The following KCNT1 variants were observed in gnomAD, a reference collection of about 807,000 sequenced individuals.
KCNT1 encodes the protein potassium channel subfamily T member 1.
A neutral mutation model predicts 147.8 loss-of-function variants in KCNT1; 78 were observed. The observed-to-expected ratio is 0.53, with a 90% CI of 0.44 to 0.64. KCNT1 has a LOEUF of 0.64. Among genes scored for constraint, KCNT1 ranks in the 30% least tolerant of loss-of-function variants. The pLI is 0.00. For missense variants in KCNT1, 1,419 were observed against 1,750.3 expected (o/e 0.81, Z 3.38); for synonymous variants, 867 against 748.8 (o/e 1.16, Z -2.58).
At chr9:135,727,769 G>C (rs923231141) in intron 2 of KCNT1, among the ~76,000 whole-genome samples, 3 of 152,250 alleles carry the variant, frequency 2.0e-5, no homozygotes, top group Non-Finnish European at 2.9e-5. Context: ...GGCCCACAGG[G>C]GAGCAAAGGA....
chr9:135,752,415 AAGG>A lies in KCNT1; in HGVS notation c.434+1377_434+1379del, dbSNP rs988842942. 2.0e-5 allele frequency: 9 copies of A among 456,312 alleles called. No homozygotes were observed. The highest frequency in any genetic ancestry group is 1.6e-4 in the African/African-American group (8 of 50,004). 28.3% of individuals were successfully genotyped at this position (456,312 alleles called of 1,614,324 possible). On this transcript the variant is annotated intron_variant, in intron 4 of 30. Transcript: ENST00000371757. This position sits in a 1 kb window ranked among gnomAD's most constrained non-coding sequence, Gnocchi z 5.1. Reference sequence around the variant, plus strand: ...GCAGAACCCACTAGGAGAGTTTGAGAAGGAGAACTGGGCCCTGACTGACTCTCA... The same window carrying A: ...GCAGAACCCACTAGGAGAGTTTGAGAAGAACTGGGCCCTGACTGACTCTCA...
intron 23 of KCNT1, 115 bp from the exon 24 acceptor site, chr9:135,779,244 C>T: frequency 3.1e-6 from 2 of 651,190 alleles, no homozygotes; most frequent in South Asian, 1.6e-5. Context: ...CTGAGACCCC[C>T]CCACAGCCAT....
intron 2 of KCNT1, among the ~76,000 whole-genome samples, chr9:135,718,531 A>G (rs970526391): frequency 1.3e-5 from 2 of 152,212 alleles, no homozygotes; most frequent in Non-Finnish European, 2.9e-5. Flanking sequence ...GGCCTTGGCC[A>G]TGGGGGTGTC....
rs1057524172 is a variant in KCNT1 at position 135,765,719 on chromosome 9, C to T, written c.1296C>T (p.Leu432=). 1.2e-6 allele frequency: 2 copies of T among 1,610,100 alleles called. No individual in the cohort carries two copies. Among genetic ancestry groups the T allele is most frequent in the Non-Finnish European group, 1.7e-6 (2 of 1,178,210 alleles). The change falls in exon 13 of 31, where the codon CTC becomes CTT. Residue 432 remains leucine (L), a synonymous_variant. Coordinates refer to ENST00000371757, the MANE Select transcript of KCNT1 (RefSeq NM_020822.3). ...TGTGGTCCCAGCGGGTCATCTACCT[C>T]CAGGGCTCTGCACTCAAAGACCAGG... The part of the protein sequence containing the change: ...IPLWSQRVIY[L]QGSALKDQDL...
At chr9:135,737,356 G>A (rs917872954) in intron 2 of KCNT1, among the ~76,000 whole-genome samples, 2 of 152,176 alleles carry the variant, frequency 1.3e-5, no homozygotes, top group Admixed American at 6.5e-5. Flanking sequence ...TGGCTCTTCC[G>A]CAAGCTCAGG....
At chr9:135,788,253 C>G (rs1834223318) in intron 29 of KCNT1, 2 of 1,087,754 alleles carry the variant, frequency 1.8e-6, no homozygotes, top group Admixed American at 3.4e-5. Flanking sequence ...CCCGGCCAGG[C>G]AGGTGGACAG....
At chr9:135,791,547 A>G (rs2131603130) in intron 29 of KCNT1, 1 of 511,590 alleles carries the variant, frequency 2.0e-6, no homozygotes, top group Non-Finnish European at 3.6e-6. Context: ...ACCTAGCACC[A>G]GAGGTGGGTG....
intron 2 of KCNT1, among the ~76,000 whole-genome samples, chr9:135,740,463 G>A (rs1219140726): frequency 6.6e-6 from 1 of 152,252 alleles, no homozygotes; most frequent in Non-Finnish European, 1.5e-5. Context: ...AGAGAGCCCA[G>A]AGGGTCCCTC....
At chr9:135,734,204 C>G (rs908005298) in intron 2 of KCNT1, among the ~76,000 whole-genome samples, 2 of 152,180 alleles carry the variant, frequency 1.3e-5, no homozygotes, top group African/African-American at 4.8e-5. Context: ...TAGGGTCGAG[C>G]CTCTCCAGGC....
chr9:135,708,090 C>T (rs1321386356), intron 1 of KCNT1, among the ~76,000 whole-genome samples: 1 of 152,202 alleles, frequency 6.6e-6, no homozygotes, highest in Non-Finnish European at 1.5e-5. Context: ...TGCAGCTTTG[C>T]ACTTGCTGGA....
At position 135,757,017 on chromosome 9, in the gene KCNT1, C is replaced by CCCAT. The variant is rs1831535606; in HGVS notation, c.600+86_600+87insCATC. ...GCCTCCCCCACCTCCCCCACCCTCT[C>CCCAT]CTATTTCCCCACACTTCCCAGCCTC... On this transcript the variant is annotated intron_variant, in intron 7 of 30. Coordinates refer to ENST00000371757, the MANE Select transcript of KCNT1 (RefSeq NM_020822.3). 3 of 1,141,248 alleles carry CCCAT rather than the reference C, an allele frequency of 2.6e-6. No homozygotes were observed. In the African/African-American group the frequency reaches 4.7e-5, roughly 18 times the overall value. The allele number at this position is 1,141,248 out of a possible 1,614,324, so 70.7% of individuals were successfully genotyped here. A position where few individuals can be genotyped will look rare whatever the true frequency, so the allele number is the denominator to read the frequency against.
chr9:135,788,564 C>T (rs989574230), intron 29 of KCNT1, among the ~76,000 whole-genome samples: 10 of 152,230 alleles, frequency 6.6e-5, no homozygotes, highest in African/African-American at 2.4e-4. Context: ...TCTGAGGACC[C>T]TAAGCTCCTC....
At chr9:135,729,787 G>A (rs1836357393) in intron 2 of KCNT1, among the ~76,000 whole-genome samples, 1 of 152,162 alleles carries the variant, frequency 6.6e-6, no homozygotes, top group African/African-American at 2.4e-5. Flanking sequence ...GCTTGAAAAT[G>A]TTGCACGTGC....
At chr9:135,758,914 C>T (rs1033335206) in intron 10 of KCNT1, among the ~76,000 whole-genome samples, 1 of 135,856 alleles carries the variant, frequency 7.4e-6, no homozygotes, top group African/African-American at 2.5e-5. Context: ...CCAGGCATGC[C>T]CACTGTGCCC....
chr9:135,732,976 G>A (rs1830167512), intron 2 of KCNT1, among the ~76,000 whole-genome samples: 1 of 151,918 alleles, frequency 6.6e-6, no homozygotes, highest in African/African-American at 2.4e-5. Context: ...AGGGCTAAGG[G>A]TGAGGATTCC....
In KCNT1 at chr9:135,786,448, C is replaced by T; in HGVS notation, c.3429C>T (p.Arg1143=). ...AGCAGCGCCTCAGCCTGTACCGGCGCTCTGAGCGCCAGGAGCTCTCCGAGC... is the reference window on the plus strand; with the variant it reads ...AGCAGCGCCTCAGCCTGTACCGGCGTTCTGAGCGCCAGGAGCTCTCCGAGC... ...ISQQRLSLYR[R]SERQELSELV... Residue 1143 remains arginine (R), a synonymous_variant, in exon 29 of 31, where the codon CGC becomes CGT. Transcript: ENST00000371757. 1 of 1,599,224 alleles carries T rather than the reference C, an allele frequency of 6.3e-7. No homozygotes were observed. Among genetic ancestry groups the T allele is most frequent in the Non-Finnish European group, 8.5e-7 (1 of 1,174,104 alleles).
rs749946517 is a variant in KCNT1 at position 135,784,020 on chromosome 9, A to C, written c.2842-4A>C. 2 of 1,605,816 alleles carry C rather than the reference A, an allele frequency of 1.2e-6. No individual in the cohort carries two copies. The highest frequency in any genetic ancestry group is 1.1e-5 in the South Asian group (1 of 91,064). On this transcript the variant is annotated splice_region_variant and splice_polypyrimidine_tract_variant and intron_variant, in intron 24 of 30. Coordinates refer to ENST00000371757, the MANE Select transcript of KCNT1 (RefSeq NM_020822.3). ...GCCCATCTGAGGCCCCTCCTTTCCC[A>C]CAGAGGGAGCGAGAGAATGGCTCCA...
At chr9:135,744,707 G>A (rs914783712) in intron 2 of KCNT1, among the ~76,000 whole-genome samples, 6 of 152,246 alleles carry the variant, frequency 3.9e-5, no homozygotes, top group Non-Finnish European at 5.9e-5. Flanking sequence ...CGCCGCTGAC[G>A]GCTCTCCCAG....
intron 1 of KCNT1, among the ~76,000 whole-genome samples, chr9:135,710,056 C>T (rs533639906): frequency 6.6e-6 from 1 of 152,302 alleles, no homozygotes; most frequent in African/African-American, 2.4e-5. Flanking sequence ...TATTCTGTTG[C>T]AAATATGTTC....
Sources: allele counts gnomAD v4.1 joint callset (sites outside exome capture counted in the v4.1 genomes callset), GRCh38; gene constraint gnomAD v4.1.1; non-coding constraint Gnocchi (gnomAD v3.1); transcripts MANE v1.5; gene names NCBI Gene and HGNC (gene_info 2026-07-23, HGNC 2026-07-21).